DIS3L2: variants seen among roughly 807,000 people sequenced by gnomAD.
DIS3L2 encodes DIS3 like 3'-5' exoribonuclease 2.
Under a neutral mutation model 97.5 loss-of-function variants are expected in DIS3L2, and 34 were observed. The ratio of observed to expected loss-of-function variants is 0.35; its 90% CI spans 0.27 to 0.46. The LOEUF is 0.46. Among genes scored for constraint, DIS3L2 ranks in the 20% least tolerant of loss-of-function variants. DIS3L2 has a pLI of 1.00. For synonymous variants in DIS3L2, 435 were observed against 445.2 expected, an observed-to-expected ratio of 0.98 and a Z score of 0.29; for missense variants, 1,038 against 1,146.0, an observed-to-expected ratio of 0.91 and a Z score of 1.36.
intron 11 of DIS3L2, among the ~76,000 whole-genome samples, chr2:232,239,722 G>A (rs1203304995): frequency 6.6e-6 from 1 of 152,108 alleles, no homozygotes; most frequent in Non-Finnish European, 1.5e-5. Flanking sequence ...TAGAATTTCT[G>A]GGCTCCACTT....
chr2:232,291,203 TG>T (rs1694589808), intron 13 of DIS3L2, among the ~76,000 whole-genome samples: 1 of 152,214 alleles, frequency 6.6e-6, no homozygotes, highest in African/African-American at 2.4e-5. Flanking sequence ...ACAGCATCTT[TG>T]TCTTATAAAA....
intron 5 of DIS3L2, among the ~76,000 whole-genome samples, chr2:232,083,157 G>A (rs1272800053): frequency 2.6e-5 from 4 of 151,994 alleles, no homozygotes; most frequent in African/African-American, 7.3e-5. Flanking sequence ...GATTTGGGTG[G>A]GGGCACAGCC....
chr2:232,073,689 C>A (rs962576133), intron 5 of DIS3L2, among the ~76,000 whole-genome samples: 2 of 152,106 alleles, frequency 1.3e-5, no homozygotes, highest in South Asian at 2.1e-4. Flanking sequence ...GGTTACCTGG[C>A]ACTTTTATTT....
intron 13 of DIS3L2, among the ~76,000 whole-genome samples, chr2:232,272,239 G>A (rs1212890317): frequency 2.0e-5 from 3 of 152,216 alleles, no homozygotes; most frequent in African/African-American, 7.2e-5. Context: ...GACCAGTACA[G>A]GAGGGTTGCT....
intron 10 of DIS3L2, among the ~76,000 whole-genome samples, chr2:232,212,067 G>A (rs896867567): frequency 6.6e-6 from 1 of 152,224 alleles, no homozygotes; most frequent in African/African-American, 2.4e-5. Context: ...CAAGAGAAAA[G>A]GTCCCCTGGA....
At chr2:232,265,871 CTA>C (rs747808004) in intron 13 of DIS3L2, among the ~76,000 whole-genome samples, 4 of 152,172 alleles carry the variant, frequency 2.6e-5, no homozygotes, top group Non-Finnish European at 5.9e-5. Context: ...TCAGAAAAGA[CTA>C]TGTAGAATTC....
chr2:232,309,657 A>G (rs1695073432), intron 14 of DIS3L2, among the ~76,000 whole-genome samples: 2 of 152,052 alleles, frequency 1.3e-5, no homozygotes, highest in African/African-American at 4.8e-5. Context: ...GCCCAGTTTT[A>G]AGGTTCACTG....
At chr2:232,049,508 G>A (rs1243339959) in intron 5 of DIS3L2, among the ~76,000 whole-genome samples, 1 of 152,098 alleles carries the variant, frequency 6.6e-6, no homozygotes, top group Non-Finnish European at 1.5e-5. Context: ...TTGCCCTTCT[G>A]CCTTCCGACT....
intron 20 of DIS3L2, 116 bp from the exon 21 acceptor site, chr2:232,336,353 G>A: frequency 6.5e-7 from 1 of 1,548,162 alleles, no homozygotes; most frequent in Non-Finnish European, 8.7e-7. Context: ...CAGGCGAGCA[G>A]AGGCTTCCAG....
At chr2:232,222,391 A>T (rs907247532) in intron 10 of DIS3L2, among the ~76,000 whole-genome samples, 2 of 152,164 alleles carry the variant, frequency 1.3e-5, no homozygotes, top group Non-Finnish European at 2.9e-5. Context: ...TGAACCTGGG[A>T]AGAGAAATGG....
intron 5 of DIS3L2, among the ~76,000 whole-genome samples, chr2:232,054,192 T>C (rs2106267571): frequency 6.6e-6 from 1 of 152,340 alleles, no homozygotes; most frequent in South Asian, 2.1e-4. Flanking sequence ...GTTTCTTTTC[T>C]TCTTCAGTGA....
intron 14 of DIS3L2, among the ~76,000 whole-genome samples, chr2:232,316,969 T>G (rs1695292920): frequency 1.3e-5 from 2 of 152,224 alleles, no homozygotes; most frequent in African/African-American, 2.4e-5. Context: ...GCTTTTTTCC[T>G]GGTGAATTTC....
chr2:232,122,346 T>C (rs1281000568), intron 6 of DIS3L2, among the ~76,000 whole-genome samples: 1 of 152,226 alleles, frequency 6.6e-6, no homozygotes, highest in East Asian at 1.9e-4. Context: ...GTGACCTATT[T>C]TGTAATGCTG....
chr2:231,962,274 G>GTT lies in DIS3L2; in HGVS notation c.-94+519_-94+520dup, dbSNP rs35388218. ...TTATCTCCTTTATTGATCATAGAGA[G>GTT]TTTTTTTTTTTAATAAACTTTTAGA... On this transcript the variant is annotated intron_variant, in intron 1 of 20. Transcript: ENST00000325385. Among the ~76,000 whole-genome samples the GTT allele has an allele frequency of 2.1e-3, 315 of 148,772 alleles. 5 individuals carry two copies. Among genetic ancestry groups the GTT allele is most frequent in the Middle Eastern group, 3.4e-3 (1 of 290 alleles).
rs140676854 is a variant in DIS3L2, at chr2:231,977,573, T to C, written c.-94+15808T>C. ...TGAAAGGAACACTCAGATTATAGTA[T>C]TGTGGGCAGAGCCCAGGCCTGATTC... On this transcript the variant is annotated intron_variant, in intron 1 of 20. Transcript: ENST00000325385. Among the ~76,000 whole-genome samples, 562 of 152,284 alleles carry C rather than the reference T, an allele frequency of 3.7e-3. 2 individuals are homozygous for C. Among genetic ancestry groups the C allele is most frequent in the Non-Finnish European group, 5.9e-3 (402 of 68,016 alleles).
intron 6 of DIS3L2, among the ~76,000 whole-genome samples, chr2:232,105,709 T>C (rs1196110283): frequency 6.6e-6 from 1 of 152,178 alleles, no homozygotes; most frequent in African/African-American, 2.4e-5. Context: ...TAGCACAAAA[T>C]TGTTGGGATG....
At chr2:232,267,234 T>C (rs1219350824) in intron 13 of DIS3L2, among the ~76,000 whole-genome samples, 1 of 152,212 alleles carries the variant, frequency 6.6e-6, no homozygotes, top group Non-Finnish European at 1.5e-5. Context: ...TTAGCATATG[T>C]ATATACTAGT....
intron 6 of DIS3L2, among the ~76,000 whole-genome samples, chr2:232,114,249 G>A (rs1284495307): frequency 7.1e-6 from 1 of 141,708 alleles, no homozygotes; most frequent in Non-Finnish European, 1.5e-5. Flanking sequence ...GATGCTGGAA[G>A]ACCTGACTAA....
intron 1 of DIS3L2, among the ~76,000 whole-genome samples, chr2:231,992,879 T>A (rs1693622054): frequency 6.6e-6 from 1 of 152,204 alleles, no homozygotes; most frequent in South Asian, 2.1e-4. Flanking sequence ...TTTCTCAGTC[T>A]TTGCAATTTC....
Sources: allele counts gnomAD v4.1 joint callset (sites outside exome capture counted in the v4.1 genomes callset), GRCh38; gene constraint gnomAD v4.1.1; transcripts MANE v1.5; gene names NCBI Gene and HGNC (gene_info 2026-07-23, HGNC 2026-07-21).